The following FSIP2 variants were observed in gnomAD, a reference collection of about 807,000 sequenced individuals.
FSIP2 encodes the protein fibrous sheath interacting protein 2.
Under a neutral mutation model 510.5 loss-of-function variants are expected in FSIP2, and 367 were observed. That is an observed-to-expected ratio of 0.72 (90% confidence interval 0.66 to 0.78). The LOEUF (loss-of-function observed/expected upper bound fraction) is 0.78, where lower values mean the gene tolerates loss of function less well. Among genes scored for constraint, FSIP2 ranks in the 30% least tolerant of loss-of-function variants. The probability of loss-of-function intolerance (pLI) is 0.00; values close to 1 mark genes in which losing one functional copy is unlikely to be tolerated. For missense variants in FSIP2, 7,594 were observed against 7,901.7 expected (o/e 0.96, Z 1.48); for synonymous variants, 2,601 against 2,732.2 (o/e 0.95, Z 1.50).
At chr2:185,751,322 AT>A (rs1162524492) in intron 7 of FSIP2, among the ~76,000 whole-genome samples, 1 of 151,164 alleles carries the variant, frequency 6.6e-6, no homozygotes, top group African/African-American at 2.4e-5. Context: ...AAAATATTTT[AT>A]TTTCCTGTTA....
Position 185,799,746 on chromosome 2 carries a change from T to C in FSIP2, c.10440T>C (p.Tyr3480=), listed in dbSNP as rs11686997. ...MSVSTWSRKK[Y]ESKQFLRNIY... ...TTTCTACATGGTCAAGGAAAAAATATGAATCAAAACAGTTCCTAAGAAACA... is the reference window on the plus strand; with the variant it reads ...TTTCTACATGGTCAAGGAAAAAATACGAATCAAAACAGTTCCTAAGAAACA... The change falls in exon 17 of 23, where the codon TAT becomes TAC. Residue 3480 remains tyrosine, a synonymous_variant. Transcript: ENST00000424728. 0.54 allele frequency: 794,145 copies of C among 1,466,952 alleles called. 216,701 individuals carry two copies. Among genetic ancestry groups the C allele is most frequent in the South Asian group, 0.64 (46,600 of 72,930 alleles). 90.9% of individuals were successfully genotyped at this position (1,466,952 alleles called of 1,614,324 possible).
rs1030444926 is a variant in FSIP2, at chr2:185,792,800, G to A, written c.5664G>A (p.Lys1888=). The change falls in exon 16 of 23, where the codon AAG becomes AAA. Residue 1888 remains lysine (K), a synonymous_variant. Transcript: ENST00000424728. ...VSSHEHTYKG[K]SSVTALDENP... ...CTCATGAACACACCTATAAAGGAAA[G>A]TCCTCTGTCACGGCTTTGGATGAAA... is the stretch of plus-strand genomic sequence containing the variant. The A allele has an allele frequency of 1.3e-5, 20 of 1,534,262 alleles. No homozygotes were observed. Among genetic ancestry groups the A allele is most frequent in the Admixed American group, 7.9e-5 (4 of 50,858 alleles).
intron 16 of FSIP2, 51 bp downstream of exon 16, chr2:185,797,577 C>T: frequency 6.9e-7 from 1 of 1,453,634 alleles, no homozygotes; most frequent in Non-Finnish European, 9.0e-7. Flanking sequence ...GGAAGAAAAC[C>T]AGTAAAAGAC....
chr2:185,738,403 A>G, upstream of FSIP2: 1 of 570,010 alleles, frequency 1.8e-6, no homozygotes, highest in Non-Finnish European at 3.1e-6. Context: ...TAGGAAGCCA[A>G]CGCGTCTGCC....
In FSIP2 at chr2:185,806,220, A is replaced by G. The variant is rs765170101; in HGVS notation, c.16914A>G (p.Leu5638=). Residue 5638 remains leucine, a synonymous_variant, in exon 17 of 23, where the codon CTA becomes CTG. Coordinates refer to ENST00000424728, the MANE Select transcript of FSIP2 (RefSeq NM_173651.4). ...CCTCCTTGAAGTCCAAGAGAAATCT[A>G]GGGACTACAACAGATACTTTGGAAA... is the stretch of plus-strand genomic sequence containing the variant. ...QLSSLKSKRN[L]GTTTDTLEIR... 1.2e-6 allele frequency: 2 copies of G among 1,606,388 alleles called. No individual in the cohort carries two copies. Among genetic ancestry groups the G allele is most frequent in the South Asian group, 1.1e-5 (1 of 89,804 alleles).
chr2:185,795,496 A>G lies in FSIP2; in HGVS notation c.8360A>G (p.Asn2787Ser). Residue 2787 changes from asparagine (N) to serine (S), a missense_variant, in exon 16 of 23, where the codon AAC becomes AGC. Coordinates refer to ENST00000424728, the MANE Select transcript of FSIP2 (RefSeq NM_173651.4). ...TVLQELYVTN[N>S]CNLAYPMKSS... ...TTGCAAGAATTATATGTTACCAATA[A>G]CTGCAATTTGGCTTACCCGATGAAA... 1 of 1,534,792 alleles carries G rather than the reference A, an allele frequency of 6.5e-7. No individual in the cohort carries two copies. The highest frequency in any genetic ancestry group is 2.4e-5 in the East Asian group (1 of 40,846).
chr2:185,789,428 G>A lies in FSIP2; in HGVS notation c.2292G>A (p.Glu764=). ...VASEIVENML[E]KLESAVEKKC... ...CTGAGATTGTGGAAAATATGCTTGA[G>A]AAGTTAGAGTCTGCAGTTGAGAAAA... is the stretch of plus-strand genomic sequence containing the variant. The change falls in exon 16 of 23, where the codon GAG becomes GAA. Residue 764 remains glutamate, a synonymous_variant. Coordinates refer to ENST00000424728, the MANE Select transcript of FSIP2 (RefSeq NM_173651.4). The A allele has an allele frequency of 6.5e-7, 1 of 1,534,864 alleles. No homozygotes were observed. The highest frequency in any genetic ancestry group is 8.7e-7 in the Non-Finnish European group (1 of 1,145,926).
In FSIP2 at chr2:185,792,794, A is replaced by T; in HGVS notation, c.5658A>T (p.Lys1886Asn). 6.5e-7 allele frequency: 1 copy of T among 1,534,388 alleles called. No individual in the cohort carries two copies. The highest frequency in any genetic ancestry group is 8.7e-7 in the Non-Finnish European group (1 of 1,145,690). The change falls in exon 16 of 23, where the codon AAA becomes AAT. Residue 1886 changes from lysine (K) to asparagine (N), a missense_variant. Lys to Asn is a moderately conservative substitution (Grantham distance 94, BLOSUM62 0). Coordinates refer to ENST00000424728, the MANE Select transcript of FSIP2 (RefSeq NM_173651.4). The stretch of plus-strand genomic sequence containing the variant: ...TTTCTTCTCATGAACACACCTATAA[A>T]GGAAAGTCCTCTGTCACGGCTTTGG... ...ANVSSHEHTYKGKSSVTALDE... is the reference protein window; with the variant it reads ...ANVSSHEHTYNGKSSVTALDE...
intron 8 of FSIP2, among the ~76,000 whole-genome samples, chr2:185,754,959 T>C (rs941609349): frequency 2.6e-5 from 4 of 151,582 alleles, no homozygotes; most frequent in African/African-American, 4.8e-5. Context: ...TTTTGTTGTT[T>C]AGTTAAATTA....
rs775014152 is a variant in FSIP2 at position 185,799,749 on chromosome 2, A to T, written c.10443A>T (p.Glu3481Asp). The T allele has an allele frequency of 1.3e-6, 2 of 1,496,408 alleles. No individual in the cohort carries two copies. The highest frequency in any genetic ancestry group is 2.6e-5 in the South Asian group (2 of 76,808). The allele number at this position is 1,496,408 out of a possible 1,614,324, so 92.7% of individuals were successfully genotyped here. ...CTACATGGTCAAGGAAAAAATATGA[A>T]TCAAAACAGTTCCTAAGAAACATAT... ...SVSTWSRKKYESKQFLRNIYD... is the reference protein window; with the variant it reads ...SVSTWSRKKYDSKQFLRNIYD... Residue 3481 changes from glutamate (E) to aspartate (D), a missense_variant, in exon 17 of 23, where the codon GAA becomes GAT. Glu to Asp is a conservative substitution (Grantham distance 45). Transcript: ENST00000424728.
At chr2:185,824,814 A>G (rs1399513302) in intron 20 of FSIP2, among the ~76,000 whole-genome samples, 1 of 151,820 alleles carries the variant, frequency 6.6e-6, no homozygotes, top group Non-Finnish European at 1.5e-5. Context: ...CTAGGATTTA[A>G]TTATTTCTTT....
intron 13 of FSIP2, among the ~76,000 whole-genome samples, chr2:185,770,624 G>C (rs1692589378): frequency 1.3e-5 from 2 of 151,928 alleles, no homozygotes; most frequent in African/African-American, 4.8e-5. Flanking sequence ...CCCAACATTG[G>C]GAATTATACT....
intron 2 of FSIP2, among the ~76,000 whole-genome samples, chr2:185,740,051 T>A (rs1307971829): frequency 6.6e-6 from 1 of 152,134 alleles, no homozygotes; most frequent in Non-Finnish European, 1.5e-5. Context: ...AGCCTTTCCA[T>A]CCAGCATTGT....
Position 185,814,037 on chromosome 2 carries a change from T to A in FSIP2, c.20320T>A (p.Cys6774Ser). The change falls in exon 18 of 23, where the codon TGT (cysteine) becomes AGT (serine). Residue 6774 changes from cysteine to serine, a missense_variant. By Grantham distance (112) the Cys-to-Ser change is moderately radical (BLOSUM62 -1). Transcript: ENST00000424728. ...ASSSWEEKPQ[C>S]KKEEKNLVTE... ...TTCATCTTGGGAGGAAAAGCCCCAG[T>A]GTAAGGTAAGTGATAAGCATGACTG... The A allele has an allele frequency of 1.9e-6, 3 of 1,609,938 alleles. No individual in the cohort carries two copies. Among genetic ancestry groups the A allele is most frequent in the Non-Finnish European group, 2.5e-6 (3 of 1,178,112 alleles).
At chr2:185,786,351 T>C (rs1692977725) in intron 15 of FSIP2, 63 bp downstream of exon 15, 3 of 1,067,880 alleles carry the variant, frequency 2.8e-6, no homozygotes, top group Non-Finnish European at 4.0e-6. Context: ...TGCATCATAA[T>C]AGAAAACATT....
In FSIP2 at chr2:185,828,211, T is replaced by G. The variant is rs1188535911; in HGVS notation, c.20517+12T>G. On this transcript the variant is annotated intron_variant, in intron 21 of 22. Transcript: ENST00000424728. Reference sequence around the variant, plus strand: ...GAAACAGTGTTAAGGTAAGTATTTTTAACTAGCCTTAGTTGATATATATTA... The same window carrying G: ...GAAACAGTGTTAAGGTAAGTATTTTGAACTAGCCTTAGTTGATATATATTA... The G allele has an allele frequency of 6.8e-7, 1 of 1,480,804 alleles. No homozygotes were observed. Among genetic ancestry groups the G allele is most frequent in the South Asian group, 1.1e-5 (1 of 87,878 alleles). 91.7% of individuals were successfully genotyped at this position (1,480,804 alleles called of 1,614,324 possible).
At chr2:185,757,882 C>T (rs1692272700) in intron 9 of FSIP2, among the ~76,000 whole-genome samples, 1 of 151,164 alleles carries the variant, frequency 6.6e-6, no homozygotes, top group Non-Finnish European at 1.5e-5. Context: ...ACCAATATCA[C>T]AATCATATGT....
Position 185,763,059 on chromosome 2 carries a change from T to C in FSIP2, c.1241-124T>C, listed in dbSNP as rs1028575696. 6.9e-6 allele frequency: 4 copies of C among 582,436 alleles called. No homozygotes were observed. The African/African-American group carries it at 7.5e-5, about 11-fold the overall frequency. The allele number at this position is 582,436 out of a possible 1,614,324, so 36.1% of individuals were successfully genotyped here. On this transcript the variant is annotated intron_variant, in intron 11 of 22. Coordinates refer to ENST00000424728, the MANE Select transcript of FSIP2 (RefSeq NM_173651.4). ...CTTGACTCAAATAAATCCCTGATTG[T>C]GGCAATTCTAGTCACTGTGGCAGCT...
rs181692353 is a variant in FSIP2 at position 185,805,583 on chromosome 2, C to G, written c.16277C>G (p.Thr5426Ser). The G allele has an allele frequency of 2.5e-6, 4 of 1,609,802 alleles. No individual in the cohort carries two copies. In the East Asian group the frequency reaches 6.7e-5, roughly 27 times the overall value. The change falls in exon 17 of 23, where the codon ACC (threonine) becomes AGC (serine). Residue 5426 changes from threonine to serine, a missense_variant. Coordinates refer to ENST00000424728, the MANE Select transcript of FSIP2 (RefSeq NM_173651.4). ...AGGGTTCAACACCTACCACAAAACA[C>G]CTTTACACAAATAAGCAGATGTGCA... ...TQRVQHLPQNTFTQISRCAKE... is the reference protein window; with the variant it reads ...TQRVQHLPQNSFTQISRCAKE...
Sources: gnomAD v4.1 joint callset for allele counts (sites outside exome capture counted in the v4.1 genomes callset) on GRCh38, gnomAD v4.1.1 for gene constraint, MANE v1.5 for transcripts, NCBI Gene and HGNC (gene_info 2026-07-23, HGNC 2026-07-21) for gene names.